The following PRMT2 variants were observed in gnomAD, a reference collection of about 807,000 sequenced individuals.
PRMT2 encodes protein arginine N-methyltransferase 2.
Under a neutral mutation model 57.6 loss-of-function variants are expected in PRMT2, and 26 were observed. The observed-to-expected ratio is 0.45, with a 90% CI of 0.33 to 0.63. The LOEUF (loss-of-function observed/expected upper bound fraction) is 0.63. Among genes scored for constraint, PRMT2 ranks in the 20% least tolerant of loss-of-function variants. The pLI is 0.02. For missense variants in PRMT2, 472 were observed against 564.4 expected, an observed-to-expected ratio of 0.84 and a Z score of 1.66; for synonymous variants, 219 against 220.0, an observed-to-expected ratio of 1.00 and a Z score of 0.04.
chr21:46,658,583 C>A, intron 7 of PRMT2, 162 bp from the exon 8 acceptor site: 1 of 1,307,702 alleles, frequency 7.6e-7, no homozygotes, highest in Non-Finnish European at 1.0e-6. Flanking sequence ...ATAAAATAAA[C>A]CCTCGAGATG....
chr21:46,653,008 A>G, intron 7 of PRMT2: 1 of 1,170,200 alleles, frequency 8.5e-7, no homozygotes, highest in South Asian at 1.7e-5. Context: ...TCCATTGCAC[A>G]TTTGGTAGAA....
At chr21:46,646,876 C>G (rs1004687871) in intron 5 of PRMT2, among the ~76,000 whole-genome samples, 80 of 152,176 alleles carry the variant, frequency 5.3e-4, no homozygotes, top group African/African-American at 1.9e-3. Context: ...TTGTTTCTCG[C>G]AGTTCTGGAG....
At chr21:46,642,939 A>T (rs190850372) in intron 3 of PRMT2, among the ~76,000 whole-genome samples, 6 of 152,132 alleles carry the variant, frequency 3.9e-5, no homozygotes, top group Admixed American at 3.9e-4. Flanking sequence ...CATCAGAATC[A>T]CTTGAACCTG....
At chr21:46,660,168 AT>A (rs905593109) in intron 8 of PRMT2, 4 of 978,282 alleles carry the variant, frequency 4.1e-6, no homozygotes, top group Admixed American at 1.2e-4. Context: ...TGCTTTGCTT[AT>A]TTTTTACAAC....
chr21:46,639,215 TATAATTTC>T (rs2061226505), intron 3 of PRMT2, among the ~76,000 whole-genome samples: 1 of 152,236 alleles, frequency 6.6e-6, no homozygotes. Flanking sequence ...TAACATCCTC[TATAATTTC>T]AGTCTTTTGA....
intron 3 of PRMT2, among the ~76,000 whole-genome samples, chr21:46,641,215 T>A (rs2061268662): frequency 6.6e-6 from 1 of 151,994 alleles, no homozygotes. Flanking sequence ...TGCACAGACT[T>A]CTTTTATTGC....
At chr21:46,641,673 CAG>C (rs1163272553) in intron 3 of PRMT2, among the ~76,000 whole-genome samples, 4 of 151,608 alleles carry the variant, frequency 2.6e-5, no homozygotes, top group African/African-American at 9.7e-5. Context: ...GCCTAGGCGA[CAG>C]AGCGAGACTC....
chr21:46,661,085 T>C, intron 9 of PRMT2, 123 bp downstream of exon 9: 1 of 967,420 alleles, frequency 1.0e-6, no homozygotes, highest in East Asian at 2.8e-5. Flanking sequence ...AACTAATTAT[T>C]TTATTATGCA....
At chr21:46,644,705 A>T (rs2061334470) in intron 5 of PRMT2, among the ~76,000 whole-genome samples, 1 of 152,156 alleles carries the variant, frequency 6.6e-6, no homozygotes, top group Admixed American at 6.5e-5. Flanking sequence ...GGATCTTGAA[A>T]TTTGAATTTA....
At chr21:46,661,969 G>C (rs1252994855) in intron 10 of PRMT2, 33 bp downstream of exon 10, 2 of 1,182,334 alleles carry the variant, frequency 1.7e-6, no homozygotes, top group Admixed American at 8.5e-5. Context: ...CGGGGTGCGG[G>C]GTGGGGGGCA....
At chr21:46,637,865 A>G (rs947791872) in intron 3 of PRMT2, among the ~76,000 whole-genome samples, 1 of 152,098 alleles carries the variant, frequency 6.6e-6, no homozygotes, top group African/African-American at 2.4e-5. Context: ...GAAGCAGGAG[A>G]ATCACTTGGG....
At chr21:46,659,015 G>A (rs2061581496) in intron 8 of PRMT2, 95 bp downstream of exon 8, 2 of 1,487,180 alleles carry the variant, frequency 1.3e-6, no homozygotes, top group Non-Finnish European at 1.8e-6. Context: ...CCATACGACG[G>A]TTGGATAAAT....
In PRMT2 at chr21:46,649,515, G is replaced by C. The variant is rs2061416839; in HGVS notation, c.490-60G>C. 3 of 1,611,532 alleles carry C rather than the reference G, an allele frequency of 1.9e-6. No individual in the cohort carries two copies. In the African/African-American group the frequency reaches 4.0e-5, roughly 22 times the overall value. ...TCGTGATGCTGGTTGTGACTCAGGAGAGTAGATGACGGGCCGTGTGCCGGC... is the reference window on the plus strand; with the variant it reads ...TCGTGATGCTGGTTGTGACTCAGGACAGTAGATGACGGGCCGTGTGCCGGC... On this transcript the variant is annotated intron_variant, in intron 6 of 11. Coordinates refer to ENST00000355680, the MANE Select transcript of PRMT2 (RefSeq NM_206962.4). The surrounding 1 kb of genome is among the most constrained non-coding windows in gnomAD (Gnocchi z 4.8).
chr21:46,660,276 T>A (rs2061600382), intron 8 of PRMT2: 1 of 589,604 alleles, frequency 1.7e-6, no homozygotes, highest in Non-Finnish European at 2.1e-6. Context: ...GCGTCTAGTG[T>A]CTGTTTCTGT....
At position 46,663,294 on chromosome 21, in the gene PRMT2, AG is replaced by A. The variant is rs527868329; in HGVS notation, c.1098-88del. On this transcript the variant is annotated intron_variant, in intron 10 of 11. Transcript: ENST00000355680. Reference sequence around the variant, plus strand: ...CTGTGTGGGTGCTGTTGGGGGCGAGAGCCAGTGCGAGCCTGAGTCAGCGCCC... The same window carrying A: ...CTGTGTGGGTGCTGTTGGGGGCGAGACCAGTGCGAGCCTGAGTCAGCGCCC... 2,466 of 1,340,180 alleles carry A rather than the reference AG, an allele frequency of 1.8e-3. 61 individuals are homozygous for A. The South Asian group carries it at 0.033, about 18-fold the overall frequency. The allele number at this position is 1,340,180 out of a possible 1,614,324, so 83.0% of individuals were successfully genotyped here. A position where few individuals can be genotyped will look rare whatever the true frequency, so the allele number is the denominator to read the frequency against.
chr21:46,659,619 C>G (rs1343027513), intron 8 of PRMT2: 7 of 984,666 alleles, frequency 7.1e-6, no homozygotes, highest in South Asian at 4.7e-5. Flanking sequence ...CCCTACCAGA[C>G]AAGCAAAGAG....
chr21:46,648,790 C>T lies in PRMT2; in HGVS notation c.489+171C>T, dbSNP rs889826508. The stretch of plus-strand genomic sequence containing the variant: ...GCTCAGGGTCGGTAAAATAGCAGTG[C>T]GTGGAGACCGCGTGCTAGAGGCCGT... On this transcript the variant is annotated intron_variant, in intron 6 of 11. Coordinates refer to ENST00000355680, the MANE Select transcript of PRMT2 (RefSeq NM_206962.4). This position sits in a 1 kb window ranked among gnomAD's most constrained non-coding sequence, Gnocchi z 4.8. Among the ~76,000 whole-genome samples, 1 of 152,170 alleles carries T rather than the reference C, an allele frequency of 6.6e-6. No homozygotes were observed. The highest frequency in any genetic ancestry group is 1.5e-5 in the Non-Finnish European group (1 of 68,032).
In PRMT2 at chr21:46,661,927, C is replaced by T. The variant is rs1179842021; in HGVS notation, c.1088C>T (p.Pro363Leu). Residue 363 changes from proline to leucine, a missense_variant, in exon 10 of 12, where the codon CCC becomes CTC. By Grantham distance (98) the Pro-to-Leu change is moderately conservative (BLOSUM62 -3). Coordinates refer to ENST00000355680, the MANE Select transcript of PRMT2 (RefSeq NM_206962.4). ...CCGCCGCAGGTGCTCAGCACCGGGCCCTTCCACCCGTGAGTGTGCGGGGCG... is the reference window on the plus strand; with the variant it reads ...CCGCCGCAGGTGCTCAGCACCGGGCTCTTCCACCCGTGAGTGTGCGGGGCG... Reference protein sequence around the residue: ...GQPPQVLSTGPFHPTTHWKQT... With the variant: ...GQPPQVLSTGLFHPTTHWKQT... 2.2e-6 allele frequency: 3 copies of T among 1,379,066 alleles called. No homozygotes were observed. Among genetic ancestry groups the T allele is most frequent in the Non-Finnish European group, 2.9e-6 (3 of 1,050,600 alleles). 85.4% of individuals were successfully genotyped at this position (1,379,066 alleles called of 1,614,324 possible). A position where few individuals can be genotyped will look rare whatever the true frequency, so the allele number is the denominator to read the frequency against.
chr21:46,640,118 G>A (rs2061245220), intron 3 of PRMT2, among the ~76,000 whole-genome samples: 1 of 151,898 alleles, frequency 6.6e-6, no homozygotes, highest in Non-Finnish European at 1.5e-5. Flanking sequence ...TACTTCATAA[G>A]GTAAAGATCT....
Sources: allele counts gnomAD v4.1 joint callset (sites outside exome capture counted in the v4.1 genomes callset), GRCh38; gene constraint gnomAD v4.1.1; non-coding constraint Gnocchi (gnomAD v3.1); transcripts MANE v1.5; gene names NCBI Gene and HGNC (gene_info 2026-07-23, HGNC 2026-07-21).